Variants in MYOZ2 observed in about 807,000 individuals in gnomAD.
The protein encoded by MYOZ2 is myozenin-2.
MYOZ2 carries 19 observed loss-of-function variants against 25.4 expected under a neutral mutation model. The ratio of observed to expected loss-of-function variants is 0.75; its 90% CI spans 0.52 to 1.10. The LOEUF (loss-of-function observed/expected upper bound fraction) is 1.10, where lower values mean the gene tolerates loss of function less well. MYOZ2 is among the 50% of genes least tolerant of loss of function. MYOZ2 has a pLI of 0.00. For synonymous variants in MYOZ2, 92 were observed against 106.9 expected, an observed-to-expected ratio of 0.86 and a Z score of 0.86; for missense variants, 270 against 317.9, an observed-to-expected ratio of 0.85 and a Z score of 1.15.
intron 2 of MYOZ2, 34 bp from the exon 3 acceptor site, chr4:119,150,838 T>C: frequency 6.3e-7 from 1 of 1,599,826 alleles, no homozygotes; most frequent in Non-Finnish European, 8.6e-7. Flanking sequence ...ATGCTTACCT[T>C]GGGATTTTTA....
At chr4:119,180,150 A>G (rs1339245436) in intron 5 of MYOZ2, among the ~76,000 whole-genome samples, 1 of 152,180 alleles carries the variant, frequency 6.6e-6, no homozygotes, top group Non-Finnish European at 1.5e-5. Flanking sequence ...GTTTCAGGCT[A>G]GCTAGTCTGA....
intron 2 of MYOZ2, among the ~76,000 whole-genome samples, chr4:119,143,286 C>G (rs1741213165): frequency 1.3e-5 from 2 of 151,960 alleles, no homozygotes; most frequent in African/African-American, 4.8e-5. Flanking sequence ...ACCTCTGCCT[C>G]CCAGGTTCAA....
intron 5 of MYOZ2, among the ~76,000 whole-genome samples, chr4:119,170,957 AAGAC>A (rs1741934728): frequency 6.6e-6 from 1 of 152,224 alleles, no homozygotes; most frequent in Non-Finnish European, 1.5e-5. Context: ...GAGTAAAAAT[AAGAC>A]AGTTGATTTT....
intron 2 of MYOZ2, among the ~76,000 whole-genome samples, chr4:119,138,462 A>G (rs1741086392): frequency 6.6e-6 from 1 of 152,120 alleles, no homozygotes; most frequent in African/African-American, 2.4e-5. Flanking sequence ...GAGCTAGGGG[A>G]GTATAATTTT....
intron 2 of MYOZ2, 24 bp downstream of exon 2, chr4:119,136,625 C>A (rs1235076097): frequency 3.8e-6 from 6 of 1,595,130 alleles, no homozygotes; most frequent in Non-Finnish European, 4.3e-6. Context: ...TCCTTCGTAG[C>A]ATTAATATAG....
intron 5 of MYOZ2, among the ~76,000 whole-genome samples, chr4:119,173,870 C>T (rs978685667): frequency 2.0e-5 from 3 of 152,306 alleles, no homozygotes; most frequent in Admixed American, 1.3e-4. Flanking sequence ...TGGCGGGCCC[C>T]GCACTCGGAG....
In MYOZ2 at chr4:119,186,059, G is replaced by C; in HGVS notation, c.654G>C (p.Arg218Ser). Reference sequence around the variant, plus strand: ...AGCTACTATTGCTAACAGATCCCAGGTTTATGTCCTTTGTCAATCCCCTTT... The same window carrying C: ...AGCTACTATTGCTAACAGATCCCAGCTTTATGTCCTTTGTCAATCCCCTTT... ...DFELLLLTDP[R>S]FMSFVNPLSG... Residue 218 changes from arginine (R) to serine (S), a missense_variant, in exon 6 of 6, where the codon AGG becomes AGC. Arg to Ser is a moderately radical substitution (Grantham distance 110, BLOSUM62 -1). Coordinates refer to ENST00000307128, the MANE Select transcript of MYOZ2 (RefSeq NM_016599.5). 1 of 1,613,952 alleles carries C rather than the reference G, an allele frequency of 6.2e-7. No homozygotes were observed. Among genetic ancestry groups the C allele is most frequent in the Non-Finnish European group, 8.5e-7 (1 of 1,179,966 alleles).
At chr4:119,153,227 G>A (rs766974546) in intron 3 of MYOZ2, among the ~76,000 whole-genome samples, 3 of 152,090 alleles carry the variant, frequency 2.0e-5, no homozygotes, top group South Asian at 2.1e-4. Flanking sequence ...AGTGAGCCAC[G>A]TTGTACAATG....
At chr4:119,141,037 A>G (rs1204428644) in intron 2 of MYOZ2, among the ~76,000 whole-genome samples, 1 of 152,230 alleles carries the variant, frequency 6.6e-6, no homozygotes, top group African/African-American at 2.4e-5. Context: ...ATGATCTTAC[A>G]TGTTATATGT....
At chr4:119,153,520 C>T (rs1306695709) in intron 3 of MYOZ2, among the ~76,000 whole-genome samples, 1 of 151,940 alleles carries the variant, frequency 6.6e-6, no homozygotes, top group Non-Finnish European at 1.5e-5. Context: ...GATTTTTATA[C>T]CACATTAATC....
intron 5 of MYOZ2, among the ~76,000 whole-genome samples, chr4:119,185,106 C>T (rs1742262291): frequency 6.6e-6 from 1 of 151,772 alleles, no homozygotes; most frequent in African/African-American, 2.4e-5. Context: ...TCTCCCTTCC[C>T]TTCCCCTCCC....
chr4:119,175,821 T>C (rs80295203), intron 5 of MYOZ2, among the ~76,000 whole-genome samples: 2,868 of 152,232 alleles, frequency 0.019, 92 homozygotes, highest in African/African-American at 0.065. Flanking sequence ...CCACATTTAT[T>C]TATTTCAAAG....
intron 3 of MYOZ2, among the ~76,000 whole-genome samples, chr4:119,154,856 T>TACACAC (rs199500749): frequency 1.4e-3 from 43 of 31,616 alleles, no homozygotes; most frequent in African/African-American, 2.2e-3. Flanking sequence ...AATGTTATAT[T>TACACAC]ACACACACAC....
At chr4:119,177,647 C>T (rs1481770799) in intron 5 of MYOZ2, among the ~76,000 whole-genome samples, 1 of 152,208 alleles carries the variant, frequency 6.6e-6, no homozygotes, top group East Asian at 1.9e-4. Context: ...TCAAATTTGC[C>T]AGTTGAGTAC....
intron 3 of MYOZ2, among the ~76,000 whole-genome samples, chr4:119,152,327 A>G (rs1431296683): frequency 6.6e-6 from 1 of 152,090 alleles, no homozygotes; most frequent in African/African-American, 2.4e-5. Flanking sequence ...AGTCTATGTA[A>G]TCATATTCTT....
intron 2 of MYOZ2, among the ~76,000 whole-genome samples, chr4:119,145,470 T>C (rs1332337211): frequency 6.7e-6 from 1 of 148,512 alleles, no homozygotes; most frequent in African/African-American, 2.5e-5. Context: ...GCCTCCCAAG[T>C]AGCTGGGACC....
At chr4:119,182,268 G>T (rs2149229884) in intron 5 of MYOZ2, among the ~76,000 whole-genome samples, 1 of 152,302 alleles carries the variant, frequency 6.6e-6, no homozygotes, top group Non-Finnish European at 1.5e-5. Context: ...GCTGGATAAA[G>T]GATGTAATGC....
At chr4:119,180,064 G>A (rs1252358822) in intron 5 of MYOZ2, among the ~76,000 whole-genome samples, 1 of 152,192 alleles carries the variant, frequency 6.6e-6, no homozygotes, top group African/African-American at 2.4e-5. Flanking sequence ...TATATTAAAA[G>A]GGGAATGGAT....
chr4:119,176,323 C>T (rs578035299), intron 5 of MYOZ2, among the ~76,000 whole-genome samples: 7 of 152,092 alleles, frequency 4.6e-5, no homozygotes, highest in Non-Finnish European at 7.4e-5. Context: ...CCAGTTCAAA[C>T]GATTCTCCTG....
Sources: gnomAD v4.1 joint callset for allele counts (sites outside exome capture counted in the v4.1 genomes callset) on GRCh38, gnomAD v4.1.1 for gene constraint, MANE v1.5 for transcripts, NCBI Gene and HGNC (gene_info 2026-07-23, HGNC 2026-07-21) for gene names.